TMEFF2: variants seen among roughly 807,000 people sequenced by gnomAD.
The protein encoded by TMEFF2 is transmembrane protein with EGF like and two follistatin like domains 2.
In TMEFF2, 28 loss-of-function variants were observed where a neutral mutation model predicts 53.8. That is an observed-to-expected ratio of 0.52 (90% CI 0.39 to 0.71). The LOEUF (loss-of-function observed/expected upper bound fraction) is 0.71. Among genes scored for constraint, TMEFF2 ranks in the 30% least tolerant of loss-of-function variants. The pLI is 0.00. For synonymous variants in TMEFF2, 162 were observed against 166.3 expected, an observed-to-expected ratio of 0.97 and a Z score of 0.20; for missense variants, 353 against 455.2, an observed-to-expected ratio of 0.78 and a Z score of 2.04.
intron 8 of TMEFF2, 45 bp from the exon 9 acceptor site, chr2:191,953,882 CATTTT>C: frequency 1.5e-6 from 1 of 662,312 alleles, no homozygotes; most frequent in Admixed American, 4.3e-5. Context: ...GTGCTGCATT[CATTTT>C]TTTTTTTTTT....
At chr2:192,193,757 T>TAGAGAGAGAG (rs1491267223) in intron 1 of TMEFF2, among the ~76,000 whole-genome samples, 20 of 26,642 alleles carry the variant, frequency 7.5e-4, no homozygotes, top group African/African-American at 1.7e-3. Flanking sequence ...GAGAGATAGA[T>TAGAGAGAGAG]AGATAGAGAG....
intron 4 of TMEFF2, among the ~76,000 whole-genome samples, chr2:192,133,853 A>G (rs1423459745): frequency 3.3e-5 from 5 of 152,186 alleles, no homozygotes. Flanking sequence ...TCTCGGCATA[A>G]TTCTCGTAAA....
chr2:192,132,395 C>T (rs556708702), intron 4 of TMEFF2, among the ~76,000 whole-genome samples: 22 of 152,164 alleles, frequency 1.4e-4, no homozygotes, highest in South Asian at 6.2e-4. Flanking sequence ...AACCCTGAGA[C>T]GCTTTACAGC....
chr2:192,040,970 C>T (rs377194063), intron 5 of TMEFF2, among the ~76,000 whole-genome samples: 2 of 152,158 alleles, frequency 1.3e-5, no homozygotes, highest in East Asian at 3.9e-4. Flanking sequence ...GCAAAAAATA[C>T]CACAAAATGG....
rs1381161742 is a variant in TMEFF2, at chr2:192,151,626, C to A, written c.439+28042G>T. The stretch of plus-strand genomic sequence containing the variant: ...TTTGAGGTAAATTTCCAAGTTTAGT[C>A]CCCCAGACTAGAAGTGTAAACAGGA... On this transcript the variant is annotated intron_variant, in intron 4 of 9. Coordinates refer to ENST00000272771, the MANE Select transcript of TMEFF2 (RefSeq NM_016192.4). 4.6e-5 allele frequency among the ~76,000 whole-genome samples: 7 copies of A among 151,826 alleles called. No homozygotes were observed. In the East Asian group the frequency reaches 9.7e-4, roughly 21 times the overall value.
At chr2:191,953,587 C>A (rs1691955517) in intron 9 of TMEFF2, 92 bp downstream of exon 9, 5 of 1,437,056 alleles carry the variant, frequency 3.5e-6, no homozygotes, top group Non-Finnish European at 3.8e-6. Context: ...GCTGCAGAGT[C>A]CATGAAGGAA....
chr2:192,086,214 T>G (rs1210020894), intron 4 of TMEFF2, among the ~76,000 whole-genome samples: 10 of 152,308 alleles, frequency 6.6e-5, no homozygotes, highest in African/African-American at 2.2e-4. Flanking sequence ...ATCCGGTTGT[T>G]GGTTGACTTA....
chr2:191,979,754 A>AAAAAAAAAAAAATT (rs962972368), intron 7 of TMEFF2, among the ~76,000 whole-genome samples: 5 of 139,598 alleles, frequency 3.6e-5, no homozygotes, highest in African/African-American at 1.4e-4. Context: ...CAGTAGAGAT[A>AAAAAAAAAAAAATT]AAAAAAAAAA....
In TMEFF2 at chr2:192,194,333, G is replaced by C. The variant is rs752575967; in HGVS notation, c.172+20C>G. ...TCTTCTGCGGAGTTAAAGGGTCGGG[G>C]ACGGGGGTTCTGGACTTACCAGAGC... On this transcript the variant is annotated intron_variant, in intron 1 of 9. Transcript: ENST00000272771. This position sits in a 1 kb window ranked among gnomAD's most constrained non-coding sequence, Gnocchi z 4.2. 6.2e-7 allele frequency: 1 copy of C among 1,612,724 alleles called. No homozygotes were observed. The highest frequency in any genetic ancestry group is 1.1e-5 in the South Asian group (1 of 90,976).
At chr2:192,106,553 G>A (rs969116108) in intron 4 of TMEFF2, among the ~76,000 whole-genome samples, 3 of 151,624 alleles carry the variant, frequency 2.0e-5, no homozygotes, top group African/African-American at 7.2e-5. Flanking sequence ...TTACCCATGT[G>A]TTAATTATTT....
chr2:191,986,776 A>G (rs886604010), intron 7 of TMEFF2, among the ~76,000 whole-genome samples: 1 of 150,964 alleles, frequency 6.6e-6, no homozygotes, highest in Non-Finnish European at 1.5e-5. Context: ...GAGAATCACT[A>G]GAACCAGGGA....
chr2:191,982,504 CAAAAA>C (rs10678696), intron 7 of TMEFF2, among the ~76,000 whole-genome samples: 3 of 138,672 alleles, frequency 2.2e-5, no homozygotes, highest in African/African-American at 8.0e-5. Flanking sequence ...TGAAAACAGG[CAAAAA>C]AAAAAAAAAA....
At chr2:192,023,661 C>A (rs1686907557) in intron 5 of TMEFF2, among the ~76,000 whole-genome samples, 1 of 147,894 alleles carries the variant, frequency 6.8e-6, no homozygotes, top group African/African-American at 2.5e-5. Context: ...GCTAATTTGA[C>A]TTTTTCATAT....
chr2:192,003,713 AAACT>A (rs1450429071), intron 5 of TMEFF2, among the ~76,000 whole-genome samples: 3 of 152,228 alleles, frequency 2.0e-5, no homozygotes, highest in Admixed American at 6.5e-5. Flanking sequence ...ATCCACATGA[AAACT>A]AATATTTACA....
At chr2:192,152,195 T>G (rs1690403657) in intron 4 of TMEFF2, among the ~76,000 whole-genome samples, 1 of 151,876 alleles carries the variant, frequency 6.6e-6, no homozygotes, top group Non-Finnish European at 1.5e-5. Context: ...AGAACAACAC[T>G]GGTGTGACTG....
chr2:191,966,218 T>C (rs1462615308), intron 7 of TMEFF2, among the ~76,000 whole-genome samples: 2 of 152,154 alleles, frequency 1.3e-5, no homozygotes, highest in African/African-American at 2.4e-5. Flanking sequence ...GGACTGTAAG[T>C]ACTGCCTTAT....
chr2:192,092,347 AATTTAC>A (rs1227396196), intron 4 of TMEFF2, among the ~76,000 whole-genome samples: 1 of 152,132 alleles, frequency 6.6e-6, no homozygotes, highest in African/African-American at 2.4e-5. Flanking sequence ...ACCATATGAG[AATTTAC>A]ATTTAACAAG....
chr2:192,005,272 A>C (rs1220416800), intron 5 of TMEFF2, among the ~76,000 whole-genome samples: 1 of 152,202 alleles, frequency 6.6e-6, no homozygotes, highest in Non-Finnish European at 1.5e-5. Context: ...TATCTCATCA[A>C]TATTTTCGGG....
chr2:192,122,168 A>G (rs985756463), intron 4 of TMEFF2, among the ~76,000 whole-genome samples: 3 of 152,208 alleles, frequency 2.0e-5, no homozygotes, highest in South Asian at 2.1e-4. Context: ...ATATATATAC[A>G]TAATTATTAT....
Sources: allele counts gnomAD v4.1 joint callset (sites outside exome capture counted in the v4.1 genomes callset), GRCh38; gene constraint gnomAD v4.1.1; non-coding constraint Gnocchi (gnomAD v3.1); transcripts MANE v1.5; gene names NCBI Gene and HGNC (gene_info 2026-07-23, HGNC 2026-07-21).